GLT8D2: variants seen among roughly 807,000 people sequenced by gnomAD.
GLT8D2 encodes the protein glycosyltransferase 8 domain-containing protein 2.
A neutral mutation model predicts 44.5 loss-of-function variants in GLT8D2; 45 were observed. The observed-to-expected ratio is 1.01, with a 90% CI of 0.80 to 1.30. The LOEUF is 1.30. Among genes scored for constraint, GLT8D2 ranks in the 50% most tolerant of loss-of-function variants. GLT8D2 has a pLI of 0.00. For missense variants in GLT8D2, 400 were observed against 430.4 expected, an observed-to-expected ratio of 0.93 and a Z score of 0.62; for synonymous variants, 156 against 157.2, an observed-to-expected ratio of 0.99 and a Z score of 0.06.
chr12:104,028,652 T>C (rs538118430), intron 1 of GLT8D2, among the ~76,000 whole-genome samples: 1 of 152,222 alleles, frequency 6.6e-6, no homozygotes, highest in South Asian at 2.1e-4. Context: ...ACAATCAACA[T>C]GTTAATAAGT....
intron 8 of GLT8D2, among the ~76,000 whole-genome samples, chr12:103,995,906 T>TA (rs1873359400): frequency 6.6e-6 from 1 of 152,240 alleles, no homozygotes; most frequent in Non-Finnish European, 1.5e-5. Flanking sequence ...TAGCTTTATA[T>TA]GTGTTAACTA....
At chr12:104,059,516 A>G (rs1882448260) in intron 1 of GLT8D2, among the ~76,000 whole-genome samples, 1 of 152,176 alleles carries the variant, frequency 6.6e-6, no homozygotes, top group South Asian at 2.1e-4. Context: ...CTGGAATTAT[A>G]TATATTACTT....
chr12:104,007,266 C>CTCTT (rs1555277856), intron 4 of GLT8D2, among the ~76,000 whole-genome samples: 1 of 133,348 alleles, frequency 7.5e-6, no homozygotes, highest in Admixed American at 7.6e-5. Context: ...CTCTCTCTCT[C>CTCTT]CCCCCGCTCT....
chr12:103,991,251 AT>A (rs1329467269), intron 10 of GLT8D2, among the ~76,000 whole-genome samples: 4 of 152,024 alleles, frequency 2.6e-5, no homozygotes, highest in Admixed American at 2.0e-4. Context: ...CAGTGGCATG[AT>A]TTCTGCTCAG....
At chr12:104,014,284 G>A (rs971991095) in intron 4 of GLT8D2, 6 of 700,826 alleles carry the variant, frequency 8.6e-6, no homozygotes, top group Non-Finnish European at 1.0e-5. Flanking sequence ...GAGCCCTGGA[G>A]GTCGAGGCTG....
intron 8 of GLT8D2, among the ~76,000 whole-genome samples, 170 bp from the exon 9 acceptor site, chr12:103,994,671 A>G (rs1328331135): frequency 6.6e-6 from 1 of 151,778 alleles, no homozygotes; most frequent in Non-Finnish European, 1.5e-5. Flanking sequence ...CATTTCTCCA[A>G]CCTCTAAATG....
At position 103,989,220 on chromosome 12, in the gene GLT8D2, A is replaced by G; in HGVS notation, c.*188T>C. The G allele has an allele frequency of 2.3e-6, 1 of 433,588 alleles. No individual in the cohort carries two copies. 26.9% of individuals were successfully genotyped at this position (433,588 alleles called of 1,614,324 possible). ...CATAATCTTGATTTCCATAGTTATCACATGTACTTAAAGAAGTTAATCAAT... is the reference window on the plus strand; with the variant it reads ...CATAATCTTGATTTCCATAGTTATCGCATGTACTTAAAGAAGTTAATCAAT... On this transcript the variant is annotated 3_prime_UTR_variant, in exon 11 of 11. Transcript: ENST00000360814.
intron 3 of GLT8D2, 28 bp from the exon 4 acceptor site, chr12:104,015,133 A>G: frequency 6.5e-7 from 1 of 1,547,594 alleles, no homozygotes; most frequent in Non-Finnish European, 8.9e-7. Flanking sequence ...ACACATTAAC[A>G]TTGAACCTAT....
rs962941237 is a variant in GLT8D2 at position 104,032,386 on chromosome 12, A to G, written c.-163-10895T>C. On this transcript the variant is annotated intron_variant, in intron 1 of 10. Transcript: ENST00000360814. Reference sequence around the variant, plus strand: ...TGTTCTAGTTGCTTGACCCTGCCACATGGGTCCAGTGTTCATCTGAGCATA... The same window carrying G: ...TGTTCTAGTTGCTTGACCCTGCCACGTGGGTCCAGTGTTCATCTGAGCATA... 5.6e-4 allele frequency among the ~76,000 whole-genome samples: 80 copies of G among 142,194 alleles called. No homozygotes were observed. In the Middle Eastern group the frequency reaches 0.011, roughly 20 times the overall value. 93.3% of individuals were successfully genotyped at this position (142,194 alleles called of 152,430 possible). A position where few individuals can be genotyped will look rare whatever the true frequency, so the allele number is the denominator to read the frequency against.
At chr12:103,998,863 A>T (rs538640234) in intron 6 of GLT8D2, among the ~76,000 whole-genome samples, 72 of 152,318 alleles carry the variant, frequency 4.7e-4, no homozygotes, top group Non-Finnish European at 7.5e-4. Context: ...ACCACTTTTT[A>T]TGCAGGAGAG....
intron 1 of GLT8D2, among the ~76,000 whole-genome samples, chr12:104,024,196 A>T (rs187640951): frequency 7.2e-4 from 109 of 152,298 alleles, no homozygotes; most frequent in African/African-American, 2.4e-3. Flanking sequence ...AGCCCTGGCA[A>T]CATAGTGAGA....
chr12:104,031,322 C>T, intron 1 of GLT8D2: 3 of 1,585,568 alleles, frequency 1.9e-6, no homozygotes, highest in Admixed American at 3.4e-5. Context: ...GAAACGTGTA[C>T]TGATTGCAGC....
intron 1 of GLT8D2, among the ~76,000 whole-genome samples, chr12:104,034,496 C>G (rs992556601): frequency 6.6e-6 from 1 of 152,264 alleles, no homozygotes; most frequent in Non-Finnish European, 1.5e-5. Flanking sequence ...ACATCCTGTG[C>G]ATGGCTTGGT....
intron 1 of GLT8D2, among the ~76,000 whole-genome samples, chr12:104,032,466 C>CAAAAA (rs547392677): frequency 5.4e-4 from 32 of 59,658 alleles, no homozygotes; most frequent in East Asian, 1.6e-3. Flanking sequence ...TGTGCAATAG[C>CAAAAA]AAAAAAAAAA....
At chr12:104,009,292 T>C (rs1875508990) in intron 4 of GLT8D2, among the ~76,000 whole-genome samples, 1 of 152,256 alleles carries the variant, frequency 6.6e-6, no homozygotes, top group Non-Finnish European at 1.5e-5. Context: ...ATGACCTGGA[T>C]GCGAGACCTG....
chr12:103,993,593 CATT>C, intron 9 of GLT8D2, 89 bp from the exon 10 acceptor site: 1 of 797,130 alleles, frequency 1.3e-6, no homozygotes, highest in Non-Finnish European at 2.0e-6. Flanking sequence ...TGATGTAAGA[CATT>C]ATCTCACTAT....
chr12:103,993,317 C>CGAGA (rs1450686016), intron 10 of GLT8D2, 75 bp downstream of exon 10: 4 of 1,150,102 alleles, frequency 3.5e-6, no homozygotes, highest in African/African-American at 3.0e-5. Context: ...GGCAGCAGAG[C>CGAGA]GAGACTCTGT....
At chr12:104,038,942 CAG>C (rs1880239108) in intron 1 of GLT8D2, among the ~76,000 whole-genome samples, 1 of 152,154 alleles carries the variant, frequency 6.6e-6, no homozygotes, top group Admixed American at 6.5e-5. Flanking sequence ...GATGCCAAAA[CAG>C]AGATACAGAC....
At chr12:104,007,265 T>TCTCTCTCTCTCTCTCTCTCC (rs377119502) in intron 4 of GLT8D2, among the ~76,000 whole-genome samples, 2 of 136,284 alleles carry the variant, frequency 1.5e-5, no homozygotes, top group Non-Finnish European at 3.2e-5. Flanking sequence ...TCTCTCTCTC[T>TCTCTCTCTCTCTCTCTCTCC]CCCCCCGCTC....
Sources: gnomAD v4.1 joint callset for allele counts (sites outside exome capture counted in the v4.1 genomes callset) on GRCh38, gnomAD v4.1.1 for gene constraint, MANE v1.5 for transcripts, NCBI Gene and HGNC (gene_info 2026-07-23, HGNC 2026-07-21) for gene names.